Variants in CDKL2 observed in about 807,000 individuals in gnomAD.
The protein encoded by CDKL2 is cyclin dependent kinase like 2.
In CDKL2, 64 loss-of-function variants were observed where a neutral mutation model predicts 63.9. That is an observed-to-expected ratio of 1.00 (90% confidence interval 0.82 to 1.23). The LOEUF (loss-of-function observed/expected upper bound fraction) is 1.23. Ranked by LOEUF, CDKL2 falls within the 50% of genes most tolerant of loss-of-function variation. CDKL2 has a pLI of 0.00. For synonymous variants in CDKL2, 211 were observed against 229.2 expected, an observed-to-expected ratio of 0.92 and a Z score of 0.72; for missense variants, 656 against 668.0, an observed-to-expected ratio of 0.98 and a Z score of 0.20.
At chr4:75,611,042 A>G (rs1729666317) in intron 3 of CDKL2, among the ~76,000 whole-genome samples, 1 of 152,226 alleles carries the variant, frequency 6.6e-6, no homozygotes, top group Non-Finnish European at 1.5e-5. Context: ...TATTCTCATA[A>G]TAACCCTAAG....
intron 13 of CDKL2, among the ~76,000 whole-genome samples, chr4:75,580,847 C>T (rs1041688058): frequency 2.7e-5 from 4 of 149,334 alleles, no homozygotes; most frequent in African/African-American, 4.9e-5. Context: ...ACTACAGGCG[C>T]CCGCTACCAC....
chr4:75,602,987 CTTTTTT>C lies in CDKL2; in HGVS notation c.795+824_795+829del, dbSNP rs1165939407. Among the ~76,000 whole-genome samples the C allele has an allele frequency of 6.9e-3, 607 of 87,508 alleles. 2 individuals are homozygous for C. Among genetic ancestry groups the C allele is most frequent in the African/African-American group, 0.025 (562 of 22,206 alleles). 57.4% of individuals were successfully genotyped at this position (87,508 alleles called of 152,430 possible). On this transcript the variant is annotated intron_variant, in intron 6 of 13. Transcript: ENST00000307465. ...AATGCTAGATAACAATAAATGGTTT[CTTTTTT>C]TTTTTTTTTTTTTTTTTGAGACGGA...
intron 13 of CDKL2, among the ~76,000 whole-genome samples, chr4:75,580,943 G>A (rs911964065): frequency 3.3e-4 from 50 of 151,588 alleles, no homozygotes; most frequent in African/African-American, 6.5e-4. Flanking sequence ...CTCGTGATCC[G>A]CCCGCCTCAG....
At chr4:75,622,715 C>CAAAAAAAAAAAAAAAAAAAA (rs1171964321) in intron 2 of CDKL2, among the ~76,000 whole-genome samples, 1 of 13,958 alleles carries the variant, frequency 7.2e-5, no homozygotes, top group Non-Finnish European at 1.2e-4. Context: ...AAGACTCCAT[C>CAAAAAAAAAAAAAAAAAAAA]AAAAAAAAAA....
intron 2 of CDKL2, among the ~76,000 whole-genome samples, chr4:75,617,281 A>C (rs185150377): frequency 3.6e-4 from 55 of 152,350 alleles, no homozygotes; most frequent in African/African-American, 1.3e-3. Flanking sequence ...GCCAAGAAAA[A>C]AATAAAAGTT....
At chr4:75,609,185 C>A (rs939068685) in intron 3 of CDKL2, among the ~76,000 whole-genome samples, 1 of 152,036 alleles carries the variant, frequency 6.6e-6, no homozygotes, top group African/African-American at 2.4e-5. Context: ...GGGTGGAATG[C>A]TGAGCACCCA....
intron 3 of CDKL2, among the ~76,000 whole-genome samples, chr4:75,612,929 C>G (rs1303183384): frequency 1.3e-5 from 2 of 152,184 alleles, no homozygotes; most frequent in Non-Finnish European, 2.9e-5. Context: ...TCGAGATCAT[C>G]CTGGCTAACA....
In CDKL2 at chr4:75,579,475, A is replaced by G. The variant is rs569713070; in HGVS notation, c.*24-297T>C. ...GATCACCTGAGGTTGGGAGTTCAAG[A>G]CCAGCCTGACCAACATGGAGAAACC... On this transcript the variant is annotated intron_variant, in intron 13 of 13. Coordinates refer to ENST00000307465, the MANE Select transcript of CDKL2 (RefSeq NM_001330724.2). 2.6e-3 allele frequency among the ~76,000 whole-genome samples: 398 copies of G among 152,312 alleles called. 1 individual carries two copies. The highest frequency in any genetic ancestry group is 9.0e-3 in the African/African-American group (376 of 41,578).
chr4:75,591,227 TAAAA>T (rs895654160), intron 12 of CDKL2, among the ~76,000 whole-genome samples: 1 of 151,760 alleles, frequency 6.6e-6, no homozygotes, highest in Non-Finnish European at 1.5e-5. Context: ...CTACGAAATA[TAAAA>T]AAAACCCCAG....
chr4:75,609,042 G>A (rs7669703), intron 3 of CDKL2, among the ~76,000 whole-genome samples: 60,292 of 150,878 alleles, frequency 0.4, 12,788 homozygotes, highest in African/African-American at 0.5. Flanking sequence ...TAGAAGAGTC[G>A]TAGATATTTT....
At chr4:75,603,512 CG>C (rs1729289937) in intron 6 of CDKL2, among the ~76,000 whole-genome samples, 1 of 149,924 alleles carries the variant, frequency 6.7e-6, no homozygotes, top group African/African-American at 2.4e-5. Context: ...GGGCGGATCA[CG>C]AGGTCAGGAG....
chr4:75,611,232 G>A (rs1729677442), intron 3 of CDKL2, among the ~76,000 whole-genome samples: 1 of 152,116 alleles, frequency 6.6e-6, no homozygotes, highest in African/African-American at 2.4e-5. Flanking sequence ...GCCGAGGTGG[G>A]CCGATCACTT....
At position 75,590,613 on chromosome 4, in the gene CDKL2, G is replaced by T. The variant is rs1028234043; in HGVS notation, c.1647+1206C>A. Reference sequence around the variant, plus strand: ...ACCTGTAATCCCAGCTGATTGGGAGGCTGAGGCACAAGAATCACTTGAACC... The same window carrying T: ...ACCTGTAATCCCAGCTGATTGGGAGTCTGAGGCACAAGAATCACTTGAACC... On this transcript the variant is annotated intron_variant, in intron 12 of 13. Transcript: ENST00000307465. Among the ~76,000 whole-genome samples, 4 of 152,138 alleles carry T rather than the reference G, an allele frequency of 2.6e-5. No homozygotes were observed. In the South Asian group the frequency reaches 8.3e-4, roughly 32 times the overall value.
At chr4:75,627,202 C>CAA (rs533079777) in intron 1 of CDKL2, among the ~76,000 whole-genome samples, 28 of 131,176 alleles carry the variant, frequency 2.1e-4, no homozygotes, top group African/African-American at 5.4e-4. Flanking sequence ...GACTCTGTCT[C>CAA]AAAAAAAAAA....
intron 1 of CDKL2, among the ~76,000 whole-genome samples, chr4:75,627,347 AC>A (rs1730467612): frequency 6.6e-6 from 1 of 151,814 alleles, no homozygotes; most frequent in African/African-American, 2.4e-5. Context: ...ATTTAGGCTC[AC>A]GGCAACCTCC....
At position 75,584,587 on chromosome 4, in the gene CDKL2, G is replaced by A. The variant is rs368194143; in HGVS notation, c.1648-2689C>T. 1.0e-3 allele frequency among the ~76,000 whole-genome samples: 154 copies of A among 152,240 alleles called. 1 individual carries two copies. The highest frequency in any genetic ancestry group is 3.5e-3 in the African/African-American group (146 of 41,540). ...ATTTAGTGTGTTAAGTAGTCCCCCC[G>A]ATCCATGAGGGATATGTTCCAAGGC... On this transcript the variant is annotated intron_variant, in intron 12 of 13. Coordinates refer to ENST00000307465, the MANE Select transcript of CDKL2 (RefSeq NM_001330724.2).
intron 12 of CDKL2, among the ~76,000 whole-genome samples, chr4:75,590,362 T>C (rs979661308): frequency 1.3e-5 from 2 of 152,222 alleles, no homozygotes; most frequent in Non-Finnish European, 2.9e-5. Flanking sequence ...CATCTCTAGA[T>C]AATTTGTTAT....
intron 1 of CDKL2, among the ~76,000 whole-genome samples, chr4:75,627,790 T>G (rs1730502570): frequency 7.5e-6 from 1 of 133,470 alleles, no homozygotes; most frequent in Admixed American, 9.3e-5. Context: ...CTCGGCTCAC[T>G]GCAACCTCTG....
Position 75,605,630 on chromosome 4 carries a change from C to T in CDKL2, c.547G>A (p.Val183Ile). ...LVGDVKYGKA[V>I]DVWAIGCLVT... is the part of the protein sequence containing the mutation. ...AGACAACCAATGGCCCACACATCAA[C>T]AGCCCTGAAAGAAAAGCAATGTGGT... The change falls in exon 5 of 14, where the codon GTT becomes ATT. Residue 183 changes from valine to isoleucine, a missense_variant. Transcript: ENST00000307465. 3.7e-6 allele frequency: 6 copies of T among 1,609,570 alleles called. No individual in the cohort carries two copies. Among genetic ancestry groups the T allele is most frequent in the Non-Finnish European group, 5.1e-6 (6 of 1,176,018 alleles).
Sources: gnomAD v4.1 joint callset for allele counts (sites outside exome capture counted in the v4.1 genomes callset) on GRCh38, gnomAD v4.1.1 for gene constraint, MANE v1.5 for transcripts, NCBI Gene and HGNC (gene_info 2026-07-23, HGNC 2026-07-21) for gene names.